Variants in WARS2 observed in about 807,000 individuals in gnomAD.
WARS2 encodes tryptophan--tRNA ligase, mitochondrial.
WARS2 carries 28 observed loss-of-function variants against 36.5 expected under a neutral mutation model. The ratio of observed to expected loss-of-function variants is 0.77; its 90% CI spans 0.57 to 1.05. The LOEUF is 1.05. Among genes scored for constraint, WARS2 ranks in the 50% least tolerant of loss-of-function variants. The pLI is 0.00. For missense variants in WARS2, 435 were observed against 456.8 expected, an observed-to-expected ratio of 0.95 and a Z score of 0.44; for synonymous variants, 174 against 178.4, an observed-to-expected ratio of 0.98 and a Z score of 0.20.
chr1:119,040,624 T>A (rs1415491700), intron 4 of WARS2, among the ~76,000 whole-genome samples: 1 of 152,238 alleles, frequency 6.6e-6, no homozygotes, highest in Non-Finnish European at 1.5e-5. Context: ...CCTTTGGTTC[T>A]ATAAAGAAGT....
At chr1:119,055,167 A>G (rs1571284791) in intron 2 of WARS2, among the ~76,000 whole-genome samples, 1 of 152,338 alleles carries the variant, frequency 6.6e-6, no homozygotes, top group African/African-American at 2.4e-5. Flanking sequence ...ATTGTTTTTA[A>G]AAGTCACATG....
chr1:119,067,551 T>C (rs1366047879), intron 2 of WARS2, among the ~76,000 whole-genome samples: 2 of 152,224 alleles, frequency 1.3e-5, no homozygotes, highest in South Asian at 2.1e-4. Flanking sequence ...TCATTAACTT[T>C]ATCTCCATCT....
At chr1:119,039,611 T>C (rs1370064380) in intron 4 of WARS2, among the ~76,000 whole-genome samples, 3 of 152,188 alleles carry the variant, frequency 2.0e-5, no homozygotes, top group African/African-American at 7.2e-5. Context: ...TATTCAAATT[T>C]CTTGTACTTA....
chr1:119,085,394 G>T, intron 1 of WARS2: 1 of 1,401,530 alleles, frequency 7.1e-7, no homozygotes, highest in Non-Finnish European at 1.0e-6. Context: ...TTACTGTCTT[G>T]CTTCTGGGTG....
At position 119,059,784 on chromosome 1, in the gene WARS2, C is replaced by A. The variant is rs546931218; in HGVS notation, c.349-14122G>T. Among the ~76,000 whole-genome samples the A allele has an allele frequency of 6.6e-5, 10 of 152,268 alleles. No individual in the cohort carries two copies. In the South Asian group the frequency reaches 1.9e-3, roughly 28 times the overall value. Reference sequence around the variant, plus strand: ...AAAAAAGTAGAGATCATGTCCTTTGCAGGAACATGGATGAGCTGGAGGCCA... The same window carrying A: ...AAAAAAGTAGAGATCATGTCCTTTGAAGGAACATGGATGAGCTGGAGGCCA... On this transcript the variant is annotated intron_variant, in intron 2 of 5. Transcript: ENST00000235521.
chr1:119,052,312 T>C (rs1409915973), intron 2 of WARS2, among the ~76,000 whole-genome samples: 4 of 152,188 alleles, frequency 2.6e-5, no homozygotes, highest in African/African-American at 9.7e-5. Context: ...AAGTTTTAGT[T>C]AGGACACTTG....
intron 1 of WARS2, among the ~76,000 whole-genome samples, chr1:119,090,232 C>T (rs17023224): frequency 0.02 from 3,081 of 151,858 alleles, 116 homozygotes; most frequent in African/African-American, 0.072. Context: ...GGAATAGATA[C>T]GAAGGTAGGT....
chr1:119,116,703 C>T (rs1571382503), intron 1 of WARS2, among the ~76,000 whole-genome samples: 1 of 152,262 alleles, frequency 6.6e-6, no homozygotes, highest in East Asian at 1.9e-4. Context: ...GTACAAGTAG[C>T]AGAAAGAGCC....
At chr1:119,139,310 T>TATTAA (rs1229384392) in intron 1 of WARS2, among the ~76,000 whole-genome samples, 1 of 152,238 alleles carries the variant, frequency 6.6e-6, no homozygotes, top group Non-Finnish European at 1.5e-5. Context: ...TATAAGAATT[T>TATTAA]TGTGAGGCTC....
intron 2 of WARS2, among the ~76,000 whole-genome samples, chr1:119,053,351 C>G (rs994664566): frequency 6.6e-6 from 1 of 152,164 alleles, no homozygotes. Context: ...AACATGTTTA[C>G]TATCTATCCT....
chr1:119,066,093 C>T (rs908012806), intron 2 of WARS2, among the ~76,000 whole-genome samples: 2 of 151,852 alleles, frequency 1.3e-5, no homozygotes. Context: ...CAGAAGCATA[C>T]AACCATAAAG....
At chr1:119,094,256 A>G (rs953949099) in intron 1 of WARS2, among the ~76,000 whole-genome samples, 12 of 152,198 alleles carry the variant, frequency 7.9e-5, no homozygotes, top group Non-Finnish European at 1.3e-4. Flanking sequence ...AAACTTAGCA[A>G]ATATTTATTT....
At chr1:119,127,142 G>A in intron 1 of WARS2, 1 of 728,788 alleles carries the variant, frequency 1.4e-6, no homozygotes. Context: ...CTTGGGTCCT[G>A]GTGACTAGCA....
intron 2 of WARS2, among the ~76,000 whole-genome samples, chr1:119,059,021 T>C (rs1182450446): frequency 6.6e-6 from 1 of 152,172 alleles, no homozygotes; most frequent in African/African-American, 2.4e-5. Flanking sequence ...TGAGATAGTA[T>C]CTCATTGTGG....
chr1:119,089,928 G>A (rs1374431587), intron 1 of WARS2, among the ~76,000 whole-genome samples: 1 of 152,086 alleles, frequency 6.6e-6, no homozygotes, highest in East Asian at 1.9e-4. Context: ...TGAATGATGA[G>A]AACACATGGA....
chr1:119,140,388 G>C, intron 1 of WARS2, 167 bp downstream of exon 1: 1 of 498,260 alleles, frequency 2.0e-6, no homozygotes, highest in African/African-American at 2.0e-5. Context: ...TCCTTGCAAC[G>C]TCACTACGCT....
chr1:119,134,319 C>CAAAAAAAAAAA (rs761321480), intron 1 of WARS2, among the ~76,000 whole-genome samples: 3 of 65,874 alleles, frequency 4.6e-5, no homozygotes, highest in Non-Finnish European at 5.4e-5. Context: ...GGCAAAGGGG[C>CAAAAAAAAAAA]AAAAAAAAAA....
chr1:119,074,005 A>G (rs1651526720), intron 2 of WARS2, among the ~76,000 whole-genome samples: 1 of 152,232 alleles, frequency 6.6e-6, no homozygotes, highest in Admixed American at 6.5e-5. Flanking sequence ...ACATTCATCT[A>G]CAAGAAGTAT....
chr1:119,033,056 T>A lies in WARS2; in HGVS notation c.938A>T (p.Lys313Met), dbSNP rs145867327. ...AATTTCACGCTTAATTGGGGCAAACTTCTCAATCACAGCATCTGCCACGGC... is the reference window on the plus strand; with the variant it reads ...AATTTCACGCTTAATTGGGGCAAACATCTCAATCACAGCATCTGCCACGGC... Reference protein sequence around the residue: ...KLAVADAVIEKFAPIKREIEK... With the variant: ...KLAVADAVIEMFAPIKREIEK... The change falls in exon 6 of 6, where the codon AAG becomes ATG. Residue 313 changes from lysine to methionine, a missense_variant. By Grantham distance (95) the Lys-to-Met change is moderately conservative (BLOSUM62 -1). Transcript: ENST00000235521. 804 of 1,614,272 alleles carry A rather than the reference T, an allele frequency of 5.0e-4. No homozygotes were observed. Among genetic ancestry groups the A allele is most frequent in the Non-Finnish European group, 6.5e-4 (766 of 1,180,052 alleles).
Sources: allele counts gnomAD v4.1 joint callset (sites outside exome capture counted in the v4.1 genomes callset), GRCh38; gene constraint gnomAD v4.1.1; transcripts MANE v1.5; gene names NCBI Gene and HGNC (gene_info 2026-07-23, HGNC 2026-07-21).